ARSB: variants seen among roughly 807,000 people sequenced by gnomAD.
The protein encoded by ARSB is N-acetylgalactosamine-4-sulfatase.
A neutral mutation model predicts 50.9 loss-of-function variants in ARSB; 41 were observed. That is an observed-to-expected ratio of 0.81 (90% CI 0.63 to 1.04). The LOEUF is 1.04. ARSB is among the 50% of genes least tolerant of loss of function. ARSB has a pLI of 0.00. For synonymous variants in ARSB, 269 were observed against 284.8 expected, an observed-to-expected ratio of 0.94 and a Z score of 0.56; for missense variants, 672 against 693.3, an observed-to-expected ratio of 0.97 and a Z score of 0.35.
intron 4 of ARSB, among the ~76,000 whole-genome samples, chr5:78,894,897 G>T (rs1361098682): frequency 1.3e-5 from 2 of 152,156 alleles, no homozygotes; most frequent in Non-Finnish European, 2.9e-5. Flanking sequence ...TCCCAAGCAG[G>T]TGAGGAGGCC....
At chr5:78,788,914 G>C (rs1330518850) in intron 6 of ARSB, among the ~76,000 whole-genome samples, 1 of 152,218 alleles carries the variant, frequency 6.6e-6, no homozygotes, top group African/African-American at 2.4e-5. Flanking sequence ...TTATAAGTGT[G>C]AGCCACCACA....
intron 5 of ARSB, among the ~76,000 whole-genome samples, chr5:78,866,791 C>A (rs1746770375): frequency 6.6e-6 from 1 of 152,082 alleles, no homozygotes. Flanking sequence ...CATGAGAAGG[C>A]AGACCAAAAA....
chr5:78,816,062 T>A, intron 6 of ARSB: 2 of 1,614,082 alleles, frequency 1.2e-6, no homozygotes, highest in South Asian at 2.2e-5. Flanking sequence ...TGGGTTATCA[T>A]CTTCAGTAGA....
chr5:78,878,089 A>AT (rs199978823), intron 5 of ARSB, among the ~76,000 whole-genome samples: 3,841 of 152,238 alleles, frequency 0.025, 113 homozygotes, highest in South Asian at 0.11. Context: ...AGAAAACAGA[A>AT]TTTTTTTTAA....
At chr5:78,861,648 C>A (rs1207917549) in intron 5 of ARSB, among the ~76,000 whole-genome samples, 2 of 152,174 alleles carry the variant, frequency 1.3e-5, no homozygotes, top group East Asian at 3.8e-4. Flanking sequence ...AAACCCACAG[C>A]CAATATCATA....
intron 5 of ARSB, among the ~76,000 whole-genome samples, chr5:78,872,588 T>C (rs532693781): frequency 1.6e-4 from 23 of 140,484 alleles, no homozygotes; most frequent in African/African-American, 5.8e-4. Flanking sequence ...ACACCGCATA[T>C]TCTCACTCAT....
intron 5 of ARSB, among the ~76,000 whole-genome samples, chr5:78,870,769 C>G (rs1437278967): frequency 2.1e-4 from 32 of 150,676 alleles, no homozygotes; most frequent in Middle Eastern, 6.9e-3. Flanking sequence ...CAGGGATGCC[C>G]TCTCTCACCA....
At chr5:78,844,870 T>C (rs371084679) in intron 5 of ARSB, among the ~76,000 whole-genome samples, 82 of 152,254 alleles carry the variant, frequency 5.4e-4, no homozygotes, top group African/African-American at 1.9e-3. Context: ...TATTTATCAT[T>C]TCTCTGTGTT....
At chr5:78,861,511 C>T (rs1436086484) in intron 5 of ARSB, among the ~76,000 whole-genome samples, 2 of 152,152 alleles carry the variant, frequency 1.3e-5, no homozygotes, top group Non-Finnish European at 2.9e-5. Flanking sequence ...AACACAAAAA[C>T]TGTATGATTA....
At chr5:78,976,897 C>G (rs1012012323) in intron 1 of ARSB, among the ~76,000 whole-genome samples, 1 of 152,144 alleles carries the variant, frequency 6.6e-6, no homozygotes. Flanking sequence ...CCTCTGGCAC[C>G]CTCATTCACT....
intron 6 of ARSB, among the ~76,000 whole-genome samples, chr5:78,813,886 T>C (rs1313552439): frequency 3.3e-5 from 5 of 152,228 alleles, no homozygotes; most frequent in Non-Finnish European, 7.3e-5. Flanking sequence ...TTTCTTCTGA[T>C]TTTTTAAACA....
At chr5:78,781,718 T>A in intron 7 of ARSB, 134 bp downstream of exon 7, 3 of 1,346,334 alleles carry the variant, frequency 2.2e-6, no homozygotes, top group Non-Finnish European at 3.2e-6. Flanking sequence ...AGAGTGATAA[T>A]GTCCTCTCTT....
At chr5:78,929,189 C>A (rs945429619) in intron 4 of ARSB, among the ~76,000 whole-genome samples, 7 of 152,190 alleles carry the variant, frequency 4.6e-5, no homozygotes, top group Non-Finnish European at 8.8e-5. Flanking sequence ...CACGCATACT[C>A]CTGTACCTCA....
At chr5:78,888,849 G>A (rs1748155081) in intron 4 of ARSB, among the ~76,000 whole-genome samples, 1 of 152,206 alleles carries the variant, frequency 6.6e-6, no homozygotes, top group African/African-American at 2.4e-5. Context: ...TTTGCAATTA[G>A]TTCTCTGTGA....
intron 5 of ARSB, among the ~76,000 whole-genome samples, chr5:78,853,608 A>T (rs917765663): frequency 2.6e-5 from 4 of 152,170 alleles, no homozygotes; most frequent in Admixed American, 2.0e-4. Flanking sequence ...AGGGATATTT[A>T]AGTCTGCAGA....
chr5:78,913,827 C>G (rs1005640317), intron 4 of ARSB, among the ~76,000 whole-genome samples: 4 of 152,186 alleles, frequency 2.6e-5, no homozygotes, highest in African/African-American at 4.8e-5. Context: ...CTTAAGATGA[C>G]TGCTATTGTT....
At chr5:78,818,575 G>A (rs930002502) in intron 6 of ARSB, among the ~76,000 whole-genome samples, 1 of 145,194 alleles carries the variant, frequency 6.9e-6, no homozygotes, top group African/African-American at 2.5e-5. Context: ...GGTTTAAATG[G>A]AAAGAACCCA....
chr5:78,940,439 T>C (rs1750853692), intron 4 of ARSB, among the ~76,000 whole-genome samples: 1 of 152,250 alleles, frequency 6.6e-6, no homozygotes, highest in Non-Finnish European at 1.5e-5. Flanking sequence ...AAGTCTTTAA[T>C]CCATCTTGAA....
chr5:78,835,502 G>A (rs1008092130), intron 6 of ARSB, among the ~76,000 whole-genome samples: 5 of 152,202 alleles, frequency 3.3e-5, no homozygotes, highest in African/African-American at 1.2e-4. Flanking sequence ...AGATAGAAAA[G>A]CGGATCGATA....
Sources: gnomAD v4.1 joint callset for allele counts (sites outside exome capture counted in the v4.1 genomes callset) on GRCh38, gnomAD v4.1.1 for gene constraint, MANE v1.5 for transcripts, NCBI Gene and HGNC (gene_info 2026-07-23, HGNC 2026-07-21) for gene names.